The following SLC25A53 variants were observed in gnomAD, a reference collection of about 807,000 sequenced individuals.
SLC25A53 encodes solute carrier family 25 member 53, also known as mitochondrial carrier triple repeat protein 6.
In SLC25A53, 5 loss-of-function variants were observed where a neutral mutation model predicts 15.0. That is an observed-to-expected ratio of 0.33 (90% CI 0.17 to 0.70). The LOEUF (loss-of-function observed/expected upper bound fraction) is 0.70, where lower values mean the gene tolerates loss of function less well. Ranked by LOEUF, SLC25A53 falls within the 30% of genes least tolerant of loss-of-function variation. The pLI is 0.67. For synonymous variants in SLC25A53, 95 were observed against 100.0 expected (o/e 0.95, Z 0.30); for missense variants, 216 against 241.6 (o/e 0.89, Z 0.70).
rs1340636318 is a variant in SLC25A53, at chrX:104,112,802, G to C, written c.-31-7514C>G. On this transcript the variant is annotated intron_variant, in intron 1 of 1. Transcript: ENST00000594199. ...CATGCTGCCCACCAGTGGAGCACAA[G>C]TAAAGAAAGAACGCGCGATTGCCCG... The C allele has an allele frequency of 2.7e-5, 3 of 112,580 alleles. No individual in the cohort carries two copies. The Admixed American group carries it at 2.8e-4, about 10-fold the overall frequency. The allele number at this position is 112,580 out of a possible 1,213,427, so 9.3% of individuals were successfully genotyped here.
At chrX:104,146,950 T>C (rs2075469412) in intron 1 of SLC25A53, among the ~76,000 whole-genome samples, 1 of 111,540 alleles carries the variant, frequency 9.0e-6, no homozygotes, top group South Asian at 3.7e-4. Flanking sequence ...TGGAAAAAAC[T>C]ACTTCAAAGT....
intron 1 of SLC25A53, among the ~76,000 whole-genome samples, chrX:104,137,090 G>T (rs7062456): frequency 0.039 from 4,335 of 111,196 alleles, 181 homozygotes; most frequent in African/African-American, 0.13. Flanking sequence ...TACAGATGAA[G>T]CAAAAGAGGA....
intron 1 of SLC25A53, chrX:104,112,085 C>T (rs781869248): frequency 5.4e-5 from 6 of 112,023 alleles, no homozygotes; most frequent in African/African-American, 1.9e-4. Flanking sequence ...ACCTCCTTCA[C>T]ACGGCTGCTG....
In SLC25A53 at chrX:104,142,081, C is replaced by CA. The variant is rs1176151693; in HGVS notation, c.-32+14796dup. On this transcript the variant is annotated intron_variant, in intron 1 of 1. Transcript: ENST00000594199. The stretch of plus-strand genomic sequence containing the variant: ...GCAACATGGTTAAACCCTGTCTGTA[C>CA]AAAAAACACAAAAATTAGCTGGGCA... Among the ~76,000 whole-genome samples the CA allele has an allele frequency of 9.9e-5, 11 of 111,153 alleles. No individual in the cohort carries two copies. The Admixed American group carries it at 1.1e-3, about 11-fold the overall frequency.
chrX:104,127,273 ATGTAACAT>A (rs2075413420), intron 1 of SLC25A53, among the ~76,000 whole-genome samples: 3 of 112,357 alleles, frequency 2.7e-5, no homozygotes, highest in Non-Finnish European at 3.8e-5. Flanking sequence ...GACTCTATTT[ATGTAACAT>A]TCTCGAAATT....
In SLC25A53 at chrX:104,103,850, G is replaced by A. The variant is rs1243928600; in HGVS notation, c.*484C>T. The A allele has an allele frequency of 8.7e-6, 1 of 114,721 alleles. No individual in the cohort carries two copies. Among genetic ancestry groups the A allele is most frequent in the Non-Finnish European group, 1.8e-5 (1 of 55,162 alleles). The allele number at this position is 114,721 out of a possible 1,213,427, so 9.5% of individuals were successfully genotyped here. On this transcript the variant is annotated 3_prime_UTR_variant, in exon 2 of 2. Coordinates refer to ENST00000594199, the MANE Select transcript of SLC25A53 (RefSeq NM_001012755.5). ...CAGCCTTGAGAAGTGAGAGGTGGTG[G>A]TAGAGGCAGTGAACAATATCATGAA...
At chrX:104,116,001 C>T (rs1274071539) in intron 1 of SLC25A53, among the ~76,000 whole-genome samples, 2 of 110,657 alleles carry the variant, frequency 1.8e-5, no homozygotes, top group Non-Finnish European at 3.8e-5. Flanking sequence ...ATCTCCCATA[C>T]AACCCCTTAA....
chrX:104,145,639 C>G, intron 1 of SLC25A53, among the ~76,000 whole-genome samples: 1 of 111,958 alleles, frequency 8.9e-6, no homozygotes, highest in South Asian at 3.7e-4. Flanking sequence ...CACCACCGAT[C>G]CCACAGAACT....
At chrX:104,129,919 C>T (rs1326522394) in intron 1 of SLC25A53, among the ~76,000 whole-genome samples, 1 of 105,541 alleles carries the variant, frequency 9.5e-6, no homozygotes, top group Non-Finnish European at 1.9e-5. Context: ...TGAGCAGACA[C>T]TGTAATTGTT....
chrX:104,145,624 G>T (rs1196766270), intron 1 of SLC25A53, among the ~76,000 whole-genome samples: 6 of 111,471 alleles, frequency 5.4e-5, no homozygotes, highest in African/African-American at 1.6e-4. Context: ...TGATAAAGGG[G>T]ATATCACCAC....
chrX:104,115,157 G>C (rs2075371503), intron 1 of SLC25A53: 1 of 1,209,071 alleles, frequency 8.3e-7, no homozygotes, highest in African/African-American at 1.7e-5. Context: ...ACAACCCGCT[G>C]CTCATATTGT....
At chrX:104,108,812 A>G (rs2075324689) in intron 1 of SLC25A53, among the ~76,000 whole-genome samples, 1 of 111,948 alleles carries the variant, frequency 8.9e-6, no homozygotes, top group Non-Finnish European at 1.9e-5. Flanking sequence ...TCTCTCAGCC[A>G]GTCCTTTGGT....
At chrX:104,120,371 T>C (rs923519221) in intron 1 of SLC25A53, among the ~76,000 whole-genome samples, 1 of 112,239 alleles carries the variant, frequency 8.9e-6, no homozygotes, top group Non-Finnish European at 1.9e-5. Context: ...TCACAAACAC[T>C]TGACATTGTC....
At chrX:104,156,767 ACTC>A (rs781866873) in intron 1 of SLC25A53, 108 bp downstream of exon 1, 1 of 109,123 alleles carries the variant, frequency 9.2e-6, no homozygotes, top group East Asian at 2.9e-4. Flanking sequence ...AGTTTCCCCT[ACTC>A]CTCATCCCCT....
intron 1 of SLC25A53, among the ~76,000 whole-genome samples, chrX:104,146,200 C>A (rs2075466180): frequency 1.8e-5 from 2 of 112,131 alleles, no homozygotes; most frequent in Admixed American, 9.5e-5. Flanking sequence ...GAAAAAACGA[C>A]AAAAACCACG....
At position 104,100,291 on chromosome X, in the gene SLC25A53, G is replaced by T. The variant is rs1440975574; in HGVS notation, c.*4043C>A. 1 of 111,356 alleles carries T rather than the reference G, an allele frequency of 9.0e-6. No individual in the cohort carries two copies. The highest frequency in any genetic ancestry group is 1.9e-5 in the Non-Finnish European group (1 of 53,052). The allele number at this position is 111,356 out of a possible 1,213,427, so 9.2% of individuals were successfully genotyped here. On this transcript the variant is annotated 3_prime_UTR_variant, in exon 2 of 2. Transcript: ENST00000594199. ...ATATATATCACGCATATATTGTGTT[G>T]TATGATGGCTTTTTATTCTTTTTTT...
At chrX:104,140,864 G>A (rs1182273431) in intron 1 of SLC25A53, among the ~76,000 whole-genome samples, 1 of 111,547 alleles carries the variant, frequency 9.0e-6, no homozygotes, top group Non-Finnish European at 1.9e-5. Flanking sequence ...TGAAGAGACA[G>A]GAGAAGGCCA....
intron 1 of SLC25A53, among the ~76,000 whole-genome samples, chrX:104,139,055 G>A (rs1285779529): frequency 8.9e-6 from 1 of 112,517 alleles, no homozygotes; most frequent in Non-Finnish European, 1.9e-5. Flanking sequence ...GCATAGGCCC[G>A]GGGGTAGAGG....
At chrX:104,121,912 T>C (rs1440602974) in intron 1 of SLC25A53, among the ~76,000 whole-genome samples, 1 of 40,891 alleles carries the variant, frequency 2.4e-5, no homozygotes, top group Non-Finnish European at 4.5e-5. Flanking sequence ...TATATATATA[T>C]ATATATATAT....
Sources: allele counts gnomAD v4.1 joint callset (sites outside exome capture counted in the v4.1 genomes callset), GRCh38; gene constraint gnomAD v4.1.1; transcripts MANE v1.5; gene names NCBI Gene and HGNC (gene_info 2026-07-23, HGNC 2026-07-21).